LRRC4C: variants seen among roughly 807,000 people sequenced by gnomAD.
LRRC4C encodes leucine rich repeat containing 4C.
A neutral mutation model predicts 33.6 loss-of-function variants in LRRC4C; 5 were observed. The observed-to-expected ratio is 0.15, with a 90% confidence interval of 0.08 to 0.31. LRRC4C has a LOEUF of 0.31. LRRC4C is among the 10% of genes least tolerant of loss of function. The probability of loss-of-function intolerance (pLI) is 1.00; values close to 1 mark genes in which losing one functional copy is unlikely to be tolerated. For missense variants in LRRC4C, 560 were observed against 796.7 expected, an observed-to-expected ratio of 0.70 and a Z score of 3.58; for synonymous variants, 329 against 302.0, an observed-to-expected ratio of 1.09 and a Z score of -0.93.
chr11:40,188,227 G>T (rs896892922), intron 5 of LRRC4C, among the ~76,000 whole-genome samples: 7 of 152,158 alleles, frequency 4.6e-5, no homozygotes, highest in African/African-American at 1.7e-4. Context: ...AGGTCTTGGT[G>T]CCAAGAGCAA....
At chr11:40,278,390 G>A (rs995548551) in intron 4 of LRRC4C, among the ~76,000 whole-genome samples, 20 of 152,254 alleles carry the variant, frequency 1.3e-4, no homozygotes, top group African/African-American at 3.6e-4. Flanking sequence ...ATCTATGGCC[G>A]GGACAAGTGA....
At chr11:40,407,899 T>G (rs955530157) in intron 3 of LRRC4C, among the ~76,000 whole-genome samples, 1 of 152,024 alleles carries the variant, frequency 6.6e-6, no homozygotes, top group African/African-American at 2.4e-5. Flanking sequence ...ATGAAAATTT[T>G]GGGGGAGGAT....
intron 1 of LRRC4C, among the ~76,000 whole-genome samples, chr11:41,164,401 TG>T (rs1283849779): frequency 6.6e-6 from 1 of 152,150 alleles, no homozygotes; most frequent in East Asian, 1.9e-4. Context: ...CTGAGGAACC[TG>T]CCTGAGGCTG....
At chr11:41,394,693 T>C (rs952758705) in intron 1 of LRRC4C, 1 of 151,990 alleles carries the variant, frequency 6.6e-6, no homozygotes, top group African/African-American at 2.4e-5. Context: ...GCTATTATTA[T>C]GGTGATTTTC....
At chr11:41,017,728 C>T (rs1232241516) in intron 1 of LRRC4C, among the ~76,000 whole-genome samples, 1 of 150,452 alleles carries the variant, frequency 6.6e-6, no homozygotes, top group Non-Finnish European at 1.5e-5. Context: ...ATTAAGTGCT[C>T]TATATAGAAT....
intron 2 of LRRC4C, among the ~76,000 whole-genome samples, chr11:40,752,166 C>T (rs538565587): frequency 2.0e-5 from 3 of 152,020 alleles, no homozygotes; most frequent in East Asian, 3.9e-4. Flanking sequence ...GCAAATATAG[C>T]GAAAACACTT....
intron 5 of LRRC4C, among the ~76,000 whole-genome samples, chr11:40,221,602 A>G (rs1438911113): frequency 6.6e-6 from 1 of 152,140 alleles, no homozygotes; most frequent in Non-Finnish European, 1.5e-5. Context: ...TCTGCCTCCA[A>G]AGAAAGAAAA....
chr11:40,212,738 AG>A lies in LRRC4C; in HGVS notation c.-96+28780del, dbSNP rs1863695125. On this transcript the variant is annotated intron_variant, in intron 5 of 6. Transcript: ENST00000528697. ...TGTCAGAAGAGAAAACAGAGGTGCA[AG>A]GATGCTAAGTAACTTGTACAAGGTC... Among the ~76,000 whole-genome samples, 7 of 152,280 alleles carry A rather than the reference AG, an allele frequency of 4.6e-5. 2 individuals are homozygous for A. The highest frequency in any genetic ancestry group is 1.7e-4 in the African/African-American group (7 of 41,552).
intron 1 of LRRC4C, among the ~76,000 whole-genome samples, chr11:41,215,658 T>G (rs984588392): frequency 1.3e-5 from 2 of 152,160 alleles, no homozygotes; most frequent in African/African-American, 2.4e-5. Flanking sequence ...CTCTGGCTTC[T>G]TTCACTGAGT....
intron 3 of LRRC4C, among the ~76,000 whole-genome samples, chr11:40,431,297 C>T (rs529295561): frequency 2.7e-5 from 4 of 149,962 alleles, no homozygotes; most frequent in Admixed American, 1.3e-4. Flanking sequence ...CGTGGTGGTG[C>T]GTGCCTGTAA....
At chr11:40,164,329 C>T (rs1859405577) in intron 5 of LRRC4C, among the ~76,000 whole-genome samples, 1 of 152,212 alleles carries the variant, frequency 6.6e-6, no homozygotes, top group Non-Finnish European at 1.5e-5. Context: ...CAACCTCCAC[C>T]TCACGGGTTC....
At chr11:40,671,646 A>AGTGTGTGTGTGTGT (rs145275244) in intron 2 of LRRC4C, among the ~76,000 whole-genome samples, 11,448 of 140,324 alleles carry the variant, frequency 0.082, 841 homozygotes, top group East Asian at 0.4. Context: ...GTCCTTATTC[A>AGTGTGTGTGTGTGT]GTGTGTGTGT....
At chr11:40,229,920 A>G (rs1002792552) in intron 5 of LRRC4C, among the ~76,000 whole-genome samples, 1 of 152,218 alleles carries the variant, frequency 6.6e-6, no homozygotes, top group Non-Finnish European at 1.5e-5. Flanking sequence ...ATCAGAGCTA[A>G]TTTATGATAT....
Position 40,386,770 on chromosome 11 carries a change from T to G in LRRC4C, c.-269-67049A>C, listed in dbSNP as rs991994445. On this transcript the variant is annotated intron_variant, in intron 3 of 6. Transcript: ENST00000528697. ...GAGTATAAACTCTGTATAAATGTAG[T>G]AAACAAATACTTAGTAATAGTAGCA... Among the ~76,000 whole-genome samples, 6 of 152,272 alleles carry G rather than the reference T, an allele frequency of 3.9e-5. No individual in the cohort carries two copies. In the South Asian group the frequency reaches 1.2e-3, roughly 32 times the overall value.
At chr11:40,216,678 A>C (rs945612219) in intron 5 of LRRC4C, among the ~76,000 whole-genome samples, 8 of 152,182 alleles carry the variant, frequency 5.3e-5, no homozygotes, top group African/African-American at 1.9e-4. Flanking sequence ...AACAAGCATA[A>C]AAGCGTTCTG....
intron 3 of LRRC4C, among the ~76,000 whole-genome samples, chr11:40,517,552 C>A (rs1955613494): frequency 6.6e-6 from 1 of 152,080 alleles, no homozygotes; most frequent in African/African-American, 2.4e-5. Context: ...TTAGAAGATC[C>A]AATCAGACCA....
rs1317398182 is a variant in LRRC4C, at chr11:40,158,495, G to T, written c.-95-17642C>A. Among the ~76,000 whole-genome samples, 3 of 145,062 alleles carry T rather than the reference G, an allele frequency of 2.1e-5. No homozygotes were observed. In the East Asian group the frequency reaches 6.0e-4, roughly 29 times the overall value. On this transcript the variant is annotated intron_variant, in intron 5 of 6. Transcript: ENST00000528697. Reference sequence around the variant, plus strand: ...ATGCAATTGGGTCTTTAGTCCCTAAGAACAAAACAAATTTTAGGATTTGAT... The same window carrying T: ...ATGCAATTGGGTCTTTAGTCCCTAATAACAAAACAAATTTTAGGATTTGAT...
At chr11:40,485,425 T>C (rs1953808561) in intron 3 of LRRC4C, among the ~76,000 whole-genome samples, 2 of 151,992 alleles carry the variant, frequency 1.3e-5, no homozygotes, top group Admixed American at 6.6e-5. Flanking sequence ...TTTTTTCTTT[T>C]TGGCAAAGTT....
At chr11:40,516,946 A>C (rs1373552692) in intron 3 of LRRC4C, among the ~76,000 whole-genome samples, 1 of 152,154 alleles carries the variant, frequency 6.6e-6, no homozygotes, top group Non-Finnish European at 1.5e-5. Flanking sequence ...TGTACAGAGC[A>C]GGGCATTGCC....
Sources: gnomAD v4.1 joint callset for allele counts (sites outside exome capture counted in the v4.1 genomes callset) on GRCh38, gnomAD v4.1.1 for gene constraint, MANE v1.5 for transcripts, NCBI Gene and HGNC (gene_info 2026-07-23, HGNC 2026-07-21) for gene names.